The following CLDN10 variants were observed in gnomAD, a reference collection of about 807,000 sequenced individuals.
CLDN10 encodes the protein claudin-10.
CLDN10 carries 15 observed loss-of-function variants against 22.9 expected under a neutral mutation model. The observed-to-expected ratio is 0.65, with a 90% confidence interval of 0.44 to 1.01. CLDN10 has a LOEUF of 1.01. Among genes scored for constraint, CLDN10 ranks in the 50% least tolerant of loss-of-function variants. CLDN10 has a pLI of 0.00. For missense variants in CLDN10, 247 were observed against 287.8 expected (o/e 0.86, Z 1.03); for synonymous variants, 114 against 111.4 (o/e 1.02, Z -0.15).
intron 1 of CLDN10, among the ~76,000 whole-genome samples, chr13:95,502,706 A>C (rs899127562): frequency 6.6e-6 from 1 of 152,190 alleles, no homozygotes; most frequent in African/African-American, 2.4e-5. Flanking sequence ...TTTTTAGTAC[A>C]GACAGGGTCT....
rs59868615 is a variant in CLDN10 at position 95,449,739 on chromosome 13, A to ATTTTTT, written c.214+15703_214+15708dup. Among the ~76,000 whole-genome samples the ATTTTTT allele has an allele frequency of 1.7e-4, 22 of 132,792 alleles. 1 individual carries two copies. The highest frequency in any genetic ancestry group is 4.1e-3 in the Middle Eastern group (1 of 244). 87.1% of individuals were successfully genotyped at this position (132,792 alleles called of 152,430 possible). ...CACCACCATGCTAGCTAATTTTTAA[A>ATTTTTT]TTTTTTTTTTTTTTTTCTTTTTGAG... On this transcript the variant is annotated intron_variant, in intron 1 of 4. Coordinates refer to the CLDN10 transcript ENST00000376873.
chr13:95,552,980 A>T lies in CLDN10; in HGVS notation c.220+7A>T. 6.2e-7 allele frequency: 1 copy of T among 1,613,344 alleles called. No individual in the cohort carries two copies. Among genetic ancestry groups the T allele is most frequent in the Non-Finnish European group, 8.5e-7 (1 of 1,179,860 alleles). The stretch of plus-strand genomic sequence containing the variant: ...TCCATGCTGGCGCTGGACGGTCTGC[A>T]TCCCCGCGGCCCCCGCCCTCAGCCC... On this transcript the variant is annotated splice_region_variant and intron_variant, in intron 1 of 4. Transcript: ENST00000299339.
intron 1 of CLDN10, among the ~76,000 whole-genome samples, chr13:95,520,895 G>A (rs570506868): frequency 1.3e-4 from 20 of 151,588 alleles, no homozygotes; most frequent in African/African-American, 4.6e-4. Flanking sequence ...CAGGAGAATC[G>A]CGGAGACTGC....
upstream of CLDN10, chr13:95,552,652 G>C: frequency 1.5e-6 from 2 of 1,374,828 alleles, no homozygotes; most frequent in Non-Finnish European, 1.9e-6. Flanking sequence ...GGCGGGGACG[G>C]TGGGCGGAGG....
chr13:95,571,748 G>T (rs909808351), intron 3 of CLDN10, among the ~76,000 whole-genome samples: 3 of 152,264 alleles, frequency 2.0e-5, no homozygotes, highest in Admixed American at 2.0e-4. Flanking sequence ...ATGCACTGAA[G>T]AAAAAGTTTT....
intron 1 of CLDN10, among the ~76,000 whole-genome samples, chr13:95,542,578 G>A (rs1021488761): frequency 5.9e-5 from 9 of 152,128 alleles, no homozygotes; most frequent in Admixed American, 1.3e-4. Flanking sequence ...ATGCCAAAGC[G>A]GGTGAATCAC....
intron 1 of CLDN10, among the ~76,000 whole-genome samples, chr13:95,529,446 A>G (rs546160437): frequency 8.5e-5 from 13 of 152,320 alleles, no homozygotes; most frequent in African/African-American, 2.6e-4. Flanking sequence ...AATTGTTAAG[A>G]ACCATTCGCC....
chr13:95,469,888 T>G (rs1372477515), intron 1 of CLDN10, among the ~76,000 whole-genome samples: 2 of 152,230 alleles, frequency 1.3e-5, no homozygotes, highest in Non-Finnish European at 2.9e-5. Flanking sequence ...AAATTGAATA[T>G]GTATCTGGTA....
intron 1 of CLDN10, among the ~76,000 whole-genome samples, chr13:95,554,333 C>A (rs909934556): frequency 6.6e-6 from 1 of 152,212 alleles, no homozygotes; most frequent in Non-Finnish European, 1.5e-5. Flanking sequence ...TGTTGTAACT[C>A]TATTGTTCTC....
At chr13:95,480,457 A>T (rs1327779699) in intron 1 of CLDN10, among the ~76,000 whole-genome samples, 1 of 152,208 alleles carries the variant, frequency 6.6e-6, no homozygotes, top group African/African-American at 2.4e-5. Flanking sequence ...CGGAAGAGAG[A>T]TAATGAGAGA....
rs1220247411 is a variant in CLDN10 at position 95,514,328 on chromosome 13, T to G, written c.215-45804T>G. ...TTCAGACTGATAGCTAGAAATTAGCTGTGGTAGGAGAATTTACACCACAGA... is the reference window on the plus strand; with the variant it reads ...TTCAGACTGATAGCTAGAAATTAGCGGTGGTAGGAGAATTTACACCACAGA... On this transcript the variant is annotated intron_variant, in intron 1 of 4. Transcript: ENST00000376873. Among the ~76,000 whole-genome samples the G allele has an allele frequency of 4.6e-5, 7 of 152,130 alleles. No individual in the cohort carries two copies. The East Asian group carries it at 1.3e-3, about 29-fold the overall frequency.
intron 1 of CLDN10, among the ~76,000 whole-genome samples, chr13:95,527,917 T>C (rs1302863583): frequency 1.3e-5 from 2 of 152,140 alleles, no homozygotes; most frequent in Non-Finnish European, 2.9e-5. Context: ...ACTGCTATCA[T>C]TGAATTGGAT....
intron 1 of CLDN10, among the ~76,000 whole-genome samples, chr13:95,547,395 C>T (rs188154316): frequency 6.6e-6 from 1 of 152,114 alleles, no homozygotes; most frequent in African/African-American, 2.4e-5. Context: ...ACACTTCAGC[C>T]TTATTCACTT....
At chr13:95,549,816 T>G (rs2043545826), upstream of CLDN10, among the ~76,000 whole-genome samples, 1 of 152,256 alleles carries the variant, frequency 6.6e-6, no homozygotes, top group Non-Finnish European at 1.5e-5. Flanking sequence ...AAGGAACTAA[T>G]AATGCTGCCA....
chr13:95,503,381 C>A (rs1314285736), intron 1 of CLDN10, among the ~76,000 whole-genome samples: 1 of 152,074 alleles, frequency 6.6e-6, no homozygotes, highest in African/African-American at 2.4e-5. Context: ...CAAAAGAATG[C>A]ATTTTTATAT....
At chr13:95,545,785 C>G (rs1196937928) in intron 1 of CLDN10, among the ~76,000 whole-genome samples, 1 of 152,072 alleles carries the variant, frequency 6.6e-6, no homozygotes, top group Admixed American at 6.5e-5. Flanking sequence ...GTAAATGATA[C>G]TCACTGCAGA....
At chr13:95,458,951 G>A (rs1221683053) in intron 1 of CLDN10, among the ~76,000 whole-genome samples, 1 of 152,200 alleles carries the variant, frequency 6.6e-6, no homozygotes, top group Admixed American at 6.5e-5. Context: ...GTACAGCACT[G>A]GGTAAATACA....
chr13:95,506,402 C>T (rs535279417), intron 1 of CLDN10, among the ~76,000 whole-genome samples: 4 of 152,252 alleles, frequency 2.6e-5, no homozygotes, highest in Admixed American at 1.3e-4. Flanking sequence ...TGTGTAATTC[C>T]GCCCTTGAAG....
chr13:95,449,834 C>T (rs1395074474), intron 1 of CLDN10, among the ~76,000 whole-genome samples: 3 of 151,694 alleles, frequency 2.0e-5, no homozygotes, highest in African/African-American at 7.3e-5. Context: ...AGCTCCGCCT[C>T]CCGGGTTCAC....
Sources: allele counts gnomAD v4.1 joint callset (sites outside exome capture counted in the v4.1 genomes callset), GRCh38; gene constraint gnomAD v4.1.1; transcripts MANE v1.5; gene names NCBI Gene and HGNC (gene_info 2026-07-23, HGNC 2026-07-21).